ZNF175: variants seen among roughly 807,000 people sequenced by gnomAD.
ZNF175 encodes the protein zinc finger protein 175.
ZNF175 carries 8 observed loss-of-function variants against 14.0 expected under a neutral mutation model. That is an observed-to-expected ratio of 0.57 (90% CI 0.34 to 1.03). ZNF175 has a LOEUF of 1.03. Among genes scored for constraint, ZNF175 ranks in the 50% least tolerant of loss-of-function variants. The pLI is 0.03. For missense variants in ZNF175, 764 were observed against 849.5 expected, an observed-to-expected ratio of 0.90 and a Z score of 1.25; for synonymous variants, 255 against 296.8, an observed-to-expected ratio of 0.86 and a Z score of 1.45.
In ZNF175 at chr19:51,588,838, C is replaced by T; in HGVS notation, c.*371C>T. Reference sequence around the variant, plus strand: ...GTGGGAAATTATATCAATGATAACCCTGTTTATTGTGGGATATCAATATTT... The same window carrying T: ...GTGGGAAATTATATCAATGATAACCTTGTTTATTGTGGGATATCAATATTT... On this transcript the variant is annotated 3_prime_UTR_variant, in exon 5 of 5. Transcript: ENST00000262259. The T allele has an allele frequency of 2.5e-6, 1 of 404,506 alleles. No individual in the cohort carries two copies. Among genetic ancestry groups the T allele is most frequent in the East Asian group, 3.6e-5 (1 of 28,132 alleles). 25.1% of individuals were successfully genotyped at this position (404,506 alleles called of 1,614,324 possible). A position where few individuals can be genotyped will look rare whatever the true frequency, so the allele number is the denominator to read the frequency against.
At chr19:51,581,660 C>T (rs1428606972) in intron 3 of ZNF175, 127 bp from the exon 4 acceptor site, 13 of 1,513,920 alleles carry the variant, frequency 8.6e-6, no homozygotes, top group Non-Finnish European at 1.1e-5. Context: ...TTTTGGGCAC[C>T]TTCTAGTATT....
At position 51,586,962 on chromosome 19, in the gene ZNF175, G is replaced by A; in HGVS notation, c.631G>A (p.Val211Met). 6.2e-7 allele frequency: 1 copy of A among 1,614,196 alleles called. No individual in the cohort carries two copies. The highest frequency in any genetic ancestry group is 8.5e-7 in the Non-Finnish European group (1 of 1,180,030). ...FTESLKLNLE[V>M]NGQNESNDTE... is the part of the protein sequence containing the mutation. The stretch of plus-strand genomic sequence containing the variant: ...AGAAAGTTTGAAGCTGAACCTAGAA[G>A]TGAACGGTCAGAATGAAAGCAATGA... Residue 211 changes from valine (V) to methionine (M), a missense_variant, in exon 5 of 5, where the codon GTG becomes ATG. Val to Met is a conservative substitution (Grantham distance 21). Coordinates refer to ENST00000262259, the MANE Select transcript of ZNF175 (RefSeq NM_007147.4).
chr19:51,576,212 G>A (rs1053448234), intron 2 of ZNF175, among the ~76,000 whole-genome samples: 5 of 149,102 alleles, frequency 3.4e-5, no homozygotes, highest in East Asian at 3.9e-4. Context: ...GTGCAATGGC[G>A]CGATCTTGGC....
At chr19:51,572,022 T>G (rs1399696273) in intron 1 of ZNF175, among the ~76,000 whole-genome samples, 1 of 152,090 alleles carries the variant, frequency 6.6e-6, no homozygotes, top group Non-Finnish European at 1.5e-5. Flanking sequence ...GATTGGTGGG[T>G]GGGTCAGTGT....
At chr19:51,575,501 C>G (rs1261046482) in intron 2 of ZNF175, among the ~76,000 whole-genome samples, 1 of 152,078 alleles carries the variant, frequency 6.6e-6, no homozygotes, top group African/African-American at 2.4e-5. Flanking sequence ...ACAGTAATAA[C>G]CTAAGGTCCT....
intron 2 of ZNF175, among the ~76,000 whole-genome samples, chr19:51,581,090 T>G (rs879666959): frequency 2.6e-5 from 4 of 152,064 alleles, no homozygotes; most frequent in Admixed American, 2.0e-4. Flanking sequence ...CAGCCTCACA[T>G]GTAGTTGCTT....
In ZNF175 at chr19:51,582,655, A is replaced by G. The variant is rs971982900; in HGVS notation, c.295+773A>G. On this transcript the variant is annotated intron_variant, in intron 4 of 4. Transcript: ENST00000262259. ...CTGAATGGTGAGAGCCTCTCATCTTATCTGTTATCTGATTGGCTTTTTCAT... is the reference window on the plus strand; with the variant it reads ...CTGAATGGTGAGAGCCTCTCATCTTGTCTGTTATCTGATTGGCTTTTTCAT... Among the ~76,000 whole-genome samples, 5 of 152,020 alleles carry G rather than the reference A, an allele frequency of 3.3e-5. No homozygotes were observed. In the East Asian group the frequency reaches 9.6e-4, roughly 29 times the overall value.
intron 2 of ZNF175, among the ~76,000 whole-genome samples, chr19:51,575,208 GGTTTTTTTTTTTTT>G (rs921309681): frequency 2.0e-5 from 2 of 99,202 alleles, no homozygotes; most frequent in African/African-American, 7.8e-5. Flanking sequence ...TTTTTAGAGA[GGTTTTTTTTTTTTT>G]TTTTTTTTTT....
chr19:51,588,100 C>T lies in ZNF175; in HGVS notation c.1769C>T (p.Thr590Ile), dbSNP rs1326287697. 1 of 1,614,092 alleles carries T rather than the reference C, an allele frequency of 6.2e-7. No homozygotes were observed. The highest frequency in any genetic ancestry group is 1.7e-5 in the Admixed American group (1 of 60,020). Reference protein sequence around the residue: ...IHTGEKPYVCTECGKAFNGRS... With the variant: ...IHTGEKPYVCIECGKAFNGRS... ...ACGGGTGAGAAACCCTATGTGTGCA[C>T]TGAATGTGGGAAGGCCTTCAACGGC... Residue 590 changes from threonine to isoleucine, a missense_variant, in exon 5 of 5, where the codon ACT (threonine) becomes ATT (isoleucine). Thr to Ile is a moderately conservative substitution (Grantham distance 89). Coordinates refer to ENST00000262259, the MANE Select transcript of ZNF175 (RefSeq NM_007147.4).
At chr19:51,581,302 A>C in intron 2 of ZNF175, 89 bp from the exon 3 acceptor site, 1 of 1,594,740 alleles carries the variant, frequency 6.3e-7, no homozygotes. Flanking sequence ...TCGTGGTGAA[A>C]ATCATTAAAA....
At chr19:51,584,223 T>C (rs376913596) in intron 4 of ZNF175, among the ~76,000 whole-genome samples, 1 of 152,072 alleles carries the variant, frequency 6.6e-6, no homozygotes, top group East Asian at 1.9e-4. Context: ...TTCAGAAAAA[T>C]GATGTCAGCC....
Position 51,579,282 on chromosome 19 carries a change from A to G in ZNF175, c.73-2109A>G, listed in dbSNP as rs111932386. Among the ~76,000 whole-genome samples, 916 of 145,416 alleles carry G rather than the reference A, an allele frequency of 6.3e-3. 6 individuals are homozygous for G. The highest frequency in any genetic ancestry group is 0.022 in the African/African-American group (878 of 39,674). ...AAAAAAAAAAAAAAAAAAGCTGGAC[A>G]TGGTAGTGCACGCCTGTGGTCCCAG... On this transcript the variant is annotated intron_variant, in intron 2 of 4. Coordinates refer to ENST00000262259, the MANE Select transcript of ZNF175 (RefSeq NM_007147.4).
chr19:51,582,095 G>A (rs981461809), intron 4 of ZNF175, among the ~76,000 whole-genome samples: 3 of 152,108 alleles, frequency 2.0e-5, no homozygotes, highest in African/African-American at 7.2e-5. Flanking sequence ...CTCAGGAATG[G>A]GATTGCCTGG....
Position 51,587,663 on chromosome 19 carries a change from G to A in ZNF175, c.1332G>A (p.Gln444=), listed in dbSNP as rs1346264327. 2 of 1,613,990 alleles carry A rather than the reference G, an allele frequency of 1.2e-6. No individual in the cohort carries two copies. The highest frequency in any genetic ancestry group is 1.3e-5 in the African/African-American group (1 of 74,880). The change falls in exon 5 of 5, where the codon CAG becomes CAA. Residue 444 remains glutamine (Q), a synonymous_variant. Coordinates refer to ENST00000262259, the MANE Select transcript of ZNF175 (RefSeq NM_007147.4). ...TGCACCAGAGAATCCACTCAGGGCAGAAGTCCTATGTGTGTATCGAATGCG... is the reference window on the plus strand; with the variant it reads ...TGCACCAGAGAATCCACTCAGGGCAAAAGTCCTATGTGTGTATCGAATGCG... ...LSLHQRIHSG[Q]KSYVCIECGQ... is the part of the protein sequence containing the mutation.
At chr19:51,577,043 A>G (rs1054546649) in intron 2 of ZNF175, among the ~76,000 whole-genome samples, 1 of 152,216 alleles carries the variant, frequency 6.6e-6, no homozygotes, top group Non-Finnish European at 1.5e-5. Flanking sequence ...TCCTGTCTCA[A>G]AAAACAAAAA....
chr19:51,578,510 A>T (rs1981887640), intron 2 of ZNF175, among the ~76,000 whole-genome samples: 1 of 151,636 alleles, frequency 6.6e-6, no homozygotes, highest in African/African-American at 2.4e-5. Flanking sequence ...GCTTATGCCT[A>T]TAACCCCAGC....
At chr19:51,585,843 A>G (rs1338728984) in intron 4 of ZNF175, among the ~76,000 whole-genome samples, 4 of 152,208 alleles carry the variant, frequency 2.6e-5, no homozygotes, top group East Asian at 1.9e-4. Context: ...ATTAATTTCA[A>G]TGGAACAAGG....
At chr19:51,577,668 T>TC (rs1981835864) in intron 2 of ZNF175, among the ~76,000 whole-genome samples, 1 of 149,008 alleles carries the variant, frequency 6.7e-6, no homozygotes, top group Non-Finnish European at 1.5e-5. Flanking sequence ...TCTCTCTTTT[T>TC]TTTTTTTTTT....
At chr19:51,579,312 T>A (rs899620114) in intron 2 of ZNF175, among the ~76,000 whole-genome samples, 1 of 150,816 alleles carries the variant, frequency 6.6e-6, no homozygotes, top group East Asian at 1.9e-4. Flanking sequence ...TCCCAGCTAC[T>A]TGGGAAGCTG....
Sources: gnomAD v4.1 joint callset for allele counts (sites outside exome capture counted in the v4.1 genomes callset) on GRCh38, gnomAD v4.1.1 for gene constraint, MANE v1.5 for transcripts, NCBI Gene and HGNC (gene_info 2026-07-23, HGNC 2026-07-21) for gene names.